The following TMEFF2 variants were observed in gnomAD, a reference collection of about 807,000 sequenced individuals.
TMEFF2 encodes transmembrane protein with EGF like and two follistatin like domains 2, also known as tomoregulin-2.
Under a neutral mutation model 53.8 loss-of-function variants are expected in TMEFF2, and 28 were observed. That is an observed-to-expected ratio of 0.52 (90% CI 0.39 to 0.71). TMEFF2 has a LOEUF of 0.71. Ranked by LOEUF, TMEFF2 falls within the 30% of genes least tolerant of loss-of-function variation. TMEFF2 has a pLI of 0.00. For synonymous variants in TMEFF2, 162 were observed against 166.3 expected, an observed-to-expected ratio of 0.97 and a Z score of 0.20; for missense variants, 353 against 455.2, an observed-to-expected ratio of 0.78 and a Z score of 2.04.
chr2:192,175,132 A>G (rs1691006912), intron 4 of TMEFF2, among the ~76,000 whole-genome samples: 1 of 151,732 alleles, frequency 6.6e-6, no homozygotes, highest in African/African-American at 2.4e-5. Context: ...TCATCTTTAC[A>G]GCCCCAGAAA....
At chr2:191,966,029 C>T (rs1446289454) in intron 7 of TMEFF2, among the ~76,000 whole-genome samples, 6 of 150,918 alleles carry the variant, frequency 4.0e-5, no homozygotes, top group African/African-American at 1.5e-4. Flanking sequence ...GTACGTAGCA[C>T]AGAACATAGC....
intron 4 of TMEFF2, among the ~76,000 whole-genome samples, chr2:192,152,083 C>T (rs1039828562): frequency 2.0e-5 from 3 of 151,754 alleles, no homozygotes; most frequent in Non-Finnish European, 4.4e-5. Flanking sequence ...GTGTTACCCA[C>T]AAAAGAATAA....
chr2:191,996,024 A>G (rs535975911), intron 7 of TMEFF2, among the ~76,000 whole-genome samples: 2 of 95,848 alleles, frequency 2.1e-5, no homozygotes, highest in East Asian at 2.3e-4. Flanking sequence ...GTAAGATAGG[A>G]AAAAAAAATG....
chr2:192,072,984 C>A (rs1373101894), intron 4 of TMEFF2, among the ~76,000 whole-genome samples: 2 of 151,930 alleles, frequency 1.3e-5, no homozygotes, highest in Non-Finnish European at 2.9e-5. Flanking sequence ...CATGACAAAT[C>A]TCATTCCTCC....
chr2:192,090,426 T>A (rs1000678819), intron 4 of TMEFF2, among the ~76,000 whole-genome samples: 1 of 152,148 alleles, frequency 6.6e-6, no homozygotes, highest in African/African-American at 2.4e-5. Flanking sequence ...GTCTTTAATC[T>A]TCAGTAGTTA....
At chr2:192,058,989 A>G (rs1219598916) in intron 4 of TMEFF2, among the ~76,000 whole-genome samples, 1 of 152,022 alleles carries the variant, frequency 6.6e-6, no homozygotes, top group Admixed American at 6.6e-5. Context: ...GTTTATTGAC[A>G]AGTTTTTCAT....
chr2:192,028,605 T>C (rs1184153614), intron 5 of TMEFF2: 1 of 152,134 alleles, frequency 6.6e-6, no homozygotes, highest in Non-Finnish European at 1.5e-5. Context: ...GACTGTATTT[T>C]CTTTTCCTTT....
At position 191,964,362 on chromosome 2, in the gene TMEFF2, TTCTTTCTTTC is replaced by T. The variant is rs754138083; in HGVS notation, c.746-7994_746-7985del. On this transcript the variant is annotated intron_variant, in intron 7 of 9. Transcript: ENST00000272771. Reference sequence around the variant, plus strand: ...TTTCTTTCTTTCTTTCTTTCTTTCTTTCTTTCTTTCTCTTTCTTTCTTTCTTTCTTTCTTT... The same window carrying T: ...TTTCTTTCTTTCTTTCTTTCTTTCTTTCTTTCTTTCTTTCTTTCTTTCTTT... Among the ~76,000 whole-genome samples, 64 of 100,968 alleles carry T rather than the reference TTCTTTCTTTC, an allele frequency of 6.3e-4. 1 individual carries two copies. Among genetic ancestry groups the T allele is most frequent in the African/African-American group, 1.7e-3 (38 of 22,190 alleles). 66.2% of individuals were successfully genotyped at this position (100,968 alleles called of 152,430 possible). A position where few individuals can be genotyped will look rare whatever the true frequency, so the allele number is the denominator to read the frequency against.
intron 4 of TMEFF2, among the ~76,000 whole-genome samples, chr2:192,062,156 T>C (rs1001701502): frequency 3.3e-5 from 5 of 152,092 alleles, no homozygotes; most frequent in African/African-American, 1.2e-4. Context: ...TCCCAGGCAT[T>C]GCCCTACCAC....
intron 4 of TMEFF2, among the ~76,000 whole-genome samples, chr2:192,104,270 C>T (rs913471440): frequency 1.3e-5 from 2 of 152,042 alleles, no homozygotes; most frequent in Non-Finnish European, 2.9e-5. Flanking sequence ...AAGTTTTTGG[C>T]ATAAACAACT....
chr2:192,175,229 A>T (rs1490860409), intron 4 of TMEFF2, among the ~76,000 whole-genome samples: 2 of 151,656 alleles, frequency 1.3e-5, no homozygotes, highest in African/African-American at 4.8e-5. Context: ...TAGAAAGACA[A>T]GGATTTTTTT....
At chr2:192,126,715 T>C (rs554706938) in intron 4 of TMEFF2, among the ~76,000 whole-genome samples, 1 of 152,338 alleles carries the variant, frequency 6.6e-6, no homozygotes, top group South Asian at 2.1e-4. Flanking sequence ...CTGACAGTCA[T>C]GTTAGGAAAC....
intron 4 of TMEFF2, among the ~76,000 whole-genome samples, chr2:192,094,698 A>G (rs1401771257): frequency 6.6e-6 from 1 of 152,172 alleles, no homozygotes; most frequent in Non-Finnish European, 1.5e-5. Flanking sequence ...GTCGAATTTT[A>G]TTTATACTTG....
At chr2:191,997,524 A>T (rs1233158493) in intron 7 of TMEFF2, among the ~76,000 whole-genome samples, 16 of 151,510 alleles carry the variant, frequency 1.1e-4, no homozygotes, top group Non-Finnish European at 5.9e-5. Context: ...TGCCTAAAAA[A>T]CTTCACATAT....
chr2:192,151,965 G>A (rs1400538626), intron 4 of TMEFF2, among the ~76,000 whole-genome samples: 1 of 151,824 alleles, frequency 6.6e-6, no homozygotes, highest in Non-Finnish European at 1.5e-5. Context: ...CAGGAACCTT[G>A]TGAGTCATGT....
At chr2:191,960,625 A>G (rs147851065) in intron 7 of TMEFF2, among the ~76,000 whole-genome samples, 159 of 152,310 alleles carry the variant, frequency 1.0e-3, no homozygotes, top group African/African-American at 3.6e-3. Flanking sequence ...CCCCACTTTA[A>G]TCAGGACTTT....
At chr2:192,135,345 A>G (rs1187371571) in intron 4 of TMEFF2, among the ~76,000 whole-genome samples, 2 of 151,860 alleles carry the variant, frequency 1.3e-5, no homozygotes, top group Non-Finnish European at 1.5e-5. Flanking sequence ...CAGATGTCCT[A>G]GGTCCTCCCA....
chr2:191,991,284 C>T (rs974914996), intron 7 of TMEFF2, among the ~76,000 whole-genome samples: 2 of 151,952 alleles, frequency 1.3e-5, no homozygotes, highest in African/African-American at 4.8e-5. Context: ...TGTAATTGTA[C>T]GAGTCCATAA....
chr2:192,158,176 C>G (rs371328746), intron 4 of TMEFF2, among the ~76,000 whole-genome samples: 1 of 152,028 alleles, frequency 6.6e-6, no homozygotes, highest in South Asian at 2.1e-4. Context: ...ATCTGTACAG[C>G]CGTCTACTGG....
Sources: allele counts gnomAD v4.1 joint callset (sites outside exome capture counted in the v4.1 genomes callset), GRCh38; gene constraint gnomAD v4.1.1; transcripts MANE v1.5; gene names NCBI Gene and HGNC (gene_info 2026-07-23, HGNC 2026-07-21).